Variants in RNGTT observed in about 807,000 individuals in gnomAD.
The protein encoded by RNGTT is mRNA-capping enzyme.
In RNGTT, 33 loss-of-function variants were observed where a neutral mutation model predicts 79.3. The observed-to-expected ratio is 0.42, with a 90% CI of 0.32 to 0.56. The LOEUF is 0.56. RNGTT is among the 20% of genes least tolerant of loss of function. The pLI is 0.17. For synonymous variants in RNGTT, 222 were observed against 235.9 expected, an observed-to-expected ratio of 0.94 and a Z score of 0.54; for missense variants, 497 against 739.1, an observed-to-expected ratio of 0.67 and a Z score of 3.80.
chr6:88,620,682 T>A (rs934742333), intron 14 of RNGTT, among the ~76,000 whole-genome samples: 11 of 152,112 alleles, frequency 7.2e-5, no homozygotes, highest in African/African-American at 2.7e-4. Context: ...ATGCTCTGAG[T>A]CCACAGCTTG....
chr6:88,902,653 A>G (rs1783510225), intron 6 of RNGTT, among the ~76,000 whole-genome samples: 1 of 151,696 alleles, frequency 6.6e-6, no homozygotes, highest in Non-Finnish European at 1.5e-5. Flanking sequence ...CAAAAGTACT[A>G]ATATATACCA....
chr6:88,869,077 T>C (rs763167828), intron 8 of RNGTT, among the ~76,000 whole-genome samples: 1 of 152,194 alleles, frequency 6.6e-6, no homozygotes, highest in Non-Finnish European at 1.5e-5. Flanking sequence ...TAAAAACACA[T>C]GTAGAAGATG....
chr6:88,950,787 A>G (rs1339845994), intron 1 of RNGTT, among the ~76,000 whole-genome samples: 1 of 152,196 alleles, frequency 6.6e-6, no homozygotes, highest in African/African-American at 2.4e-5. Flanking sequence ...AGCCATGATC[A>G]TGCCATTGCA....
At chr6:88,632,382 A>G (rs1466688898) in intron 14 of RNGTT, among the ~76,000 whole-genome samples, 1 of 152,208 alleles carries the variant, frequency 6.6e-6, no homozygotes, top group Non-Finnish European at 1.5e-5. Flanking sequence ...ATCCCAGTCC[A>G]GCACACTGAC....
chr6:88,709,137 G>A (rs1465448241), intron 13 of RNGTT, among the ~76,000 whole-genome samples: 1 of 151,956 alleles, frequency 6.6e-6, no homozygotes, highest in Non-Finnish European at 1.5e-5. Context: ...GTGAAACCCT[G>A]TCTCTAAAAA....
intron 12 of RNGTT, among the ~76,000 whole-genome samples, chr6:88,785,648 A>G (rs939256798): frequency 2.6e-5 from 4 of 152,162 alleles, no homozygotes; most frequent in African/African-American, 9.6e-5. Flanking sequence ...TCAAATGAAG[A>G]CCTATCAAAA....
intron 13 of RNGTT, among the ~76,000 whole-genome samples, chr6:88,756,984 G>A (rs1372700046): frequency 6.6e-6 from 1 of 152,104 alleles, no homozygotes; most frequent in East Asian, 1.9e-4. Context: ...AAAACAAATT[G>A]TCTTTAATGA....
At chr6:88,632,997 G>A (rs1321703573) in intron 14 of RNGTT, among the ~76,000 whole-genome samples, 1 of 152,174 alleles carries the variant, frequency 6.6e-6, no homozygotes, top group Non-Finnish European at 1.5e-5. Flanking sequence ...CATTTCTTCT[G>A]TAGTCCTTCT....
In RNGTT at chr6:88,906,336, C is replaced by G. The variant is rs748747631; in HGVS notation, c.443+29G>C. 1.6e-5 allele frequency: 22 copies of G among 1,417,134 alleles called. 1 individual carries two copies. In the South Asian group the frequency reaches 2.7e-4, roughly 17 times the overall value. 87.8% of individuals were successfully genotyped at this position (1,417,134 alleles called of 1,614,324 possible). A position where few individuals can be genotyped will look rare whatever the true frequency, so the allele number is the denominator to read the frequency against. On this transcript the variant is annotated intron_variant, in intron 5 of 15. Coordinates refer to ENST00000369485, the MANE Select transcript of RNGTT (RefSeq NM_003800.5). Reference sequence around the variant, plus strand: ...CAATAAAATTTTTTATTACAAAATACATCTTCCATTATAACAAGATACAAA... The same window carrying G: ...CAATAAAATTTTTTATTACAAAATAGATCTTCCATTATAACAAGATACAAA...
intron 4 of RNGTT, among the ~76,000 whole-genome samples, chr6:88,925,540 C>A (rs1340596622): frequency 6.6e-6 from 1 of 151,352 alleles, no homozygotes; most frequent in Non-Finnish European, 1.5e-5. Flanking sequence ...TTGCAGTGAG[C>A]CGAAGTCACA....
At chr6:88,677,470 A>G (rs1327032168) in intron 14 of RNGTT, among the ~76,000 whole-genome samples, 1 of 152,050 alleles carries the variant, frequency 6.6e-6, no homozygotes, top group Non-Finnish European at 1.5e-5. Flanking sequence ...GCTGTTAAAA[A>G]CATTTTTGTT....
At chr6:88,811,397 G>A (rs1050385783) in intron 11 of RNGTT, among the ~76,000 whole-genome samples, 3 of 151,966 alleles carry the variant, frequency 2.0e-5, no homozygotes, top group Admixed American at 6.6e-5. Flanking sequence ...TCCTACAGAG[G>A]GCATGTAGCA....
At chr6:88,741,082 A>T (rs1281866138) in intron 13 of RNGTT, among the ~76,000 whole-genome samples, 2 of 152,132 alleles carry the variant, frequency 1.3e-5, no homozygotes, top group African/African-American at 2.4e-5. Context: ...TTGACCCAGC[A>T]ATCCCCTTAC....
At chr6:88,913,214 C>CAAA (rs58717773) in intron 4 of RNGTT, among the ~76,000 whole-genome samples, 89 of 65,564 alleles carry the variant, frequency 1.4e-3, no homozygotes, top group African/African-American at 4.0e-3. Context: ...CAAAAAAAAA[C>CAAA]AAAAAAAAAA....
chr6:88,763,979 C>T (rs1233965510), intron 13 of RNGTT, among the ~76,000 whole-genome samples: 6 of 152,184 alleles, frequency 3.9e-5, no homozygotes, highest in Admixed American at 3.3e-4. Context: ...GTATAAGCTG[C>T]TCTGCCACTT....
intron 12 of RNGTT, among the ~76,000 whole-genome samples, chr6:88,777,602 G>A (rs1013619354): frequency 1.3e-5 from 2 of 152,058 alleles, no homozygotes; most frequent in Non-Finnish European, 2.9e-5. Flanking sequence ...TCTCTTTTCA[G>A]ATAGGCTGTT....
chr6:88,921,892 G>T (rs912650108), intron 4 of RNGTT, among the ~76,000 whole-genome samples: 3 of 151,976 alleles, frequency 2.0e-5, no homozygotes, highest in Non-Finnish European at 2.9e-5. Context: ...ATACCTAGAG[G>T]TGATTCAAAG....
chr6:88,612,636 T>C lies in RNGTT; in HGVS notation c.*83A>G. On this transcript the variant is annotated 3_prime_UTR_variant, in exon 16 of 16. Coordinates refer to ENST00000369485, the MANE Select transcript of RNGTT (RefSeq NM_003800.5). Reference sequence around the variant, plus strand: ...ATCAACATCAAGCCACAGTCGTTTTTCAATTTCTCTGGCTACAAAAATGGG... The same window carrying C: ...ATCAACATCAAGCCACAGTCGTTTTCCAATTTCTCTGGCTACAAAAATGGG... 3 of 1,397,540 alleles carry C rather than the reference T, an allele frequency of 2.1e-6. No individual in the cohort carries two copies. The South Asian group carries it at 3.9e-5, about 18-fold the overall frequency. The allele number at this position is 1,397,540 out of a possible 1,614,324, so 86.6% of individuals were successfully genotyped here.
In RNGTT at chr6:88,919,707, C is replaced by CTTTTTT. The variant is rs5878082; in HGVS notation, c.367+9272_367+9277dup. Among the ~76,000 whole-genome samples the CTTTTTT allele has an allele frequency of 4.1e-3, 237 of 58,480 alleles. 17 individuals carry two copies. The highest frequency in any genetic ancestry group is 9.6e-3 in the African/African-American group (118 of 12,230). The allele number at this position is 58,480 out of a possible 152,430, so 38.4% of individuals were successfully genotyped here. A position where few individuals can be genotyped will look rare whatever the true frequency, so the allele number is the denominator to read the frequency against. On this transcript the variant is annotated intron_variant, in intron 4 of 15. Coordinates refer to ENST00000369485, the MANE Select transcript of RNGTT (RefSeq NM_003800.5). ...GATCAGTCTAATTAGGTCAGTAGTT[C>CTTTTTT]TTTTTTTTTTTTTTTTTTTTTTTTT... is the stretch of plus-strand genomic sequence containing the variant.
Sources: allele counts gnomAD v4.1 joint callset (sites outside exome capture counted in the v4.1 genomes callset), GRCh38; gene constraint gnomAD v4.1.1; transcripts MANE v1.5; gene names NCBI Gene and HGNC (gene_info 2026-07-23, HGNC 2026-07-21).